NSD2: variants seen among roughly 807,000 people sequenced by gnomAD.
The protein encoded by NSD2 is histone-lysine N-methyltransferase NSD2.
NSD2 carries 12 observed loss-of-function variants against 139.0 expected under a neutral mutation model. That is an observed-to-expected ratio of 0.09 (90% CI 0.06 to 0.14). The LOEUF (loss-of-function observed/expected upper bound fraction) is 0.14, where lower values mean the gene tolerates loss of function less well. Among genes scored for constraint, NSD2 ranks in the 10% least tolerant of loss-of-function variants. NSD2 has a pLI of 1.00. For missense variants in NSD2, 1,155 were observed against 1,745.0 expected (o/e 0.66, Z 6.02); for synonymous variants, 669 against 648.7 (o/e 1.03, Z -0.48).
chr4:1,927,181 A>G (rs933483709), intron 5 of NSD2, among the ~76,000 whole-genome samples: 1 of 152,154 alleles, frequency 6.6e-6, no homozygotes, highest in Non-Finnish European at 1.5e-5. Flanking sequence ...TCCTCACAAC[A>G]TGATGGGGGC....
At chr4:1,932,110 CATT>C (rs1187370450) in intron 6 of NSD2, among the ~76,000 whole-genome samples, 4 of 152,150 alleles carry the variant, frequency 2.6e-5, no homozygotes, top group Admixed American at 2.6e-4. Context: ...CGCACCACAT[CATT>C]GTCACGCGCC....
At chr4:1,889,724 G>A (rs1035555448) in intron 1 of NSD2, among the ~76,000 whole-genome samples, 3 of 151,490 alleles carry the variant, frequency 2.0e-5, no homozygotes, top group Non-Finnish European at 2.9e-5. Flanking sequence ...GTCCTCAGGT[G>A]ATCCACTCCT....
intron 1 of NSD2, among the ~76,000 whole-genome samples, chr4:1,871,772 G>A (rs1474614983): frequency 6.7e-6 from 1 of 149,800 alleles, no homozygotes; most frequent in African/African-American, 2.4e-5. Flanking sequence ...GAGGACCGCG[G>A]AGGCCTGAGG....
chr4:1,884,354 C>T (rs966348177), intron 1 of NSD2, among the ~76,000 whole-genome samples: 1 of 151,912 alleles, frequency 6.6e-6, no homozygotes, highest in Non-Finnish European at 1.5e-5. Context: ...ACCTTCGCCT[C>T]CCAAAGCACT....
At position 1,943,726 on chromosome 4, in the gene NSD2, C is replaced by A. The variant is rs557760216; in HGVS notation, c.1881+3948C>A. 23 of 1,048,028 alleles carry A rather than the reference C, an allele frequency of 2.2e-5. No homozygotes were observed. In the South Asian group the frequency reaches 8.3e-4, roughly 38 times the overall value. 64.9% of individuals were successfully genotyped at this position (1,048,028 alleles called of 1,614,324 possible). ...AGCTCAAGAGTAAAATTAAAATTCTCAAAAAAAAACCCCACGAAATTTAAA... is the reference window on the plus strand; with the variant it reads ...AGCTCAAGAGTAAAATTAAAATTCTAAAAAAAAAACCCCACGAAATTTAAA... On this transcript the variant is annotated intron_variant, in intron 9 of 21. Coordinates refer to ENST00000508803, the MANE Select transcript of NSD2 (RefSeq NM_001042424.3).
At chr4:1,909,342 G>T (rs1197062594) in intron 3 of NSD2, among the ~76,000 whole-genome samples, 1 of 152,092 alleles carries the variant, frequency 6.6e-6, no homozygotes, top group African/African-American at 2.4e-5. Flanking sequence ...AGGAGCCCAG[G>T]TCTGGTCGCT....
intron 19 of NSD2, 26 bp downstream of exon 19, chr4:1,975,030 G>A: frequency 6.2e-7 from 1 of 1,613,708 alleles, no homozygotes; most frequent in Non-Finnish European, 8.5e-7. Context: ...ACCCTGCATG[G>A]GGCTCCTGGC....
At chr4:1,945,441 G>A (rs1723523687) in intron 9 of NSD2, 2 of 1,064,136 alleles carry the variant, frequency 1.9e-6, no homozygotes, top group Non-Finnish European at 2.3e-6. Flanking sequence ...TGCTGGGTCT[G>A]TCACAGAGAA....
At chr4:1,882,145 G>T (rs1337759017) in intron 1 of NSD2, among the ~76,000 whole-genome samples, 3 of 152,214 alleles carry the variant, frequency 2.0e-5, no homozygotes, top group African/African-American at 7.2e-5. Context: ...AGCCCAATCT[G>T]TGGTCACTCT....
At chr4:1,877,697 C>T (rs773785747) in intron 1 of NSD2, among the ~76,000 whole-genome samples, 4 of 152,156 alleles carry the variant, frequency 2.6e-5, no homozygotes, top group Admixed American at 6.5e-5. Context: ...TCCAGCCACA[C>T]GGGCCTCTTG....
chr4:1,928,117 G>C (rs1379561659), intron 5 of NSD2, among the ~76,000 whole-genome samples: 2 of 149,864 alleles, frequency 1.3e-5, no homozygotes, highest in East Asian at 3.9e-4. Context: ...TGCCTAGGCT[G>C]GTCTCAAACT....
At chr4:1,915,292 A>G (rs1231285966) in intron 3 of NSD2, among the ~76,000 whole-genome samples, 3 of 151,108 alleles carry the variant, frequency 2.0e-5, no homozygotes, top group South Asian at 2.1e-4. Flanking sequence ...ATTTTTGTAT[A>G]TTTAGTAGAA....
At chr4:1,896,517 C>T (rs992536144) in intron 1 of NSD2, among the ~76,000 whole-genome samples, 3 of 152,328 alleles carry the variant, frequency 2.0e-5, no homozygotes, top group South Asian at 2.1e-4. Flanking sequence ...TGTAGATGTG[C>T]GCCAGTGTGC....
At chr4:1,917,547 C>G (rs964056355) in intron 4 of NSD2, among the ~76,000 whole-genome samples, 16 of 152,104 alleles carry the variant, frequency 1.1e-4, no homozygotes, top group Non-Finnish European at 1.6e-4. Context: ...AGCGATTCTC[C>G]TGCCTCAGCC....
intron 17 of NSD2, among the ~76,000 whole-genome samples, chr4:1,960,290 T>G (rs1191981172): frequency 6.6e-6 from 1 of 152,234 alleles, no homozygotes; most frequent in Non-Finnish European, 1.5e-5. Flanking sequence ...TTTTATGAAA[T>G]GGAAGATCTG....
rs1188906142 is a variant in NSD2 at position 1,981,648 on chromosome 4, T to C, written c.*2739T>C. The C allele has an allele frequency of 2.6e-6, 1 of 388,970 alleles. No individual in the cohort carries two copies. The highest frequency in any genetic ancestry group is 4.5e-6 in the Non-Finnish European group (1 of 220,394). The allele number at this position is 388,970 out of a possible 1,614,324, so 24.1% of individuals were successfully genotyped here. A position where few individuals can be genotyped will look rare whatever the true frequency, so the allele number is the denominator to read the frequency against. On this transcript the variant is annotated 3_prime_UTR_variant, in exon 22 of 22. Transcript: ENST00000508803. ...AGCTGTCCGTCCTCAGGCCGGCCTT[T>C]CTTCCGGCGACACCCGTCCATGGCT...
chr4:1,975,249 A>G (rs1360483737), intron 19 of NSD2, 45 bp from the exon 20 acceptor site: 1 of 1,583,290 alleles, frequency 6.3e-7, no homozygotes, highest in South Asian at 1.1e-5. Context: ...TTTTGAAGAG[A>G]AAGGCAGGTG....
Position 1,980,293 on chromosome 4 carries a change from C to T in NSD2, c.*1384C>T. 1 of 233,210 alleles carries T rather than the reference C, an allele frequency of 4.3e-6. No individual in the cohort carries two copies. Among genetic ancestry groups the T allele is most frequent in the African/African-American group, 2.2e-5 (1 of 45,446 alleles). 14.4% of individuals were successfully genotyped at this position (233,210 alleles called of 1,614,324 possible). ...GGTTCTTTTTTTGAGGGATCCTTGA[C>T]CCTGGGAAGTCTGGAGCACCCTGAG... On this transcript the variant is annotated 3_prime_UTR_variant, in exon 22 of 22. Coordinates refer to ENST00000508803, the MANE Select transcript of NSD2 (RefSeq NM_001042424.3).
intron 3 of NSD2, among the ~76,000 whole-genome samples, chr4:1,911,613 A>G (rs1357952782): frequency 2.0e-5 from 3 of 151,124 alleles, no homozygotes; most frequent in Non-Finnish European, 3.0e-5. Flanking sequence ...AAAAAGAAAA[A>G]AAAAAAGAAA....
Sources: allele counts gnomAD v4.1 joint callset (sites outside exome capture counted in the v4.1 genomes callset), GRCh38; gene constraint gnomAD v4.1.1; transcripts MANE v1.5; gene names NCBI Gene and HGNC (gene_info 2026-07-23, HGNC 2026-07-21).